The following PLCB1 variants were observed in gnomAD, a reference collection of about 807,000 sequenced individuals.
PLCB1 encodes the protein 1-phosphatidylinositol 4,5-bisphosphate phosphodiesterase beta-1.
PLCB1 carries 46 observed loss-of-function variants against 161.8 expected under a neutral mutation model. The observed-to-expected ratio is 0.28, with a 90% CI of 0.22 to 0.36. The LOEUF (loss-of-function observed/expected upper bound fraction) is 0.36. PLCB1 is among the 10% of genes least tolerant of loss of function. PLCB1 has a pLI of 1.00. For missense variants in PLCB1, 1,016 were observed against 1,472.5 expected, an observed-to-expected ratio of 0.69 and a Z score of 5.07; for synonymous variants, 517 against 503.7, an observed-to-expected ratio of 1.03 and a Z score of -0.35.
At chr20:8,609,761 G>A (rs1011109163) in intron 3 of PLCB1, among the ~76,000 whole-genome samples, 1 of 151,842 alleles carries the variant, frequency 6.6e-6, no homozygotes, top group Non-Finnish European at 1.5e-5. Flanking sequence ...CTCCTGCCTC[G>A]GCCCACTATG....
chr20:8,428,289 C>T (rs190428252), intron 3 of PLCB1, among the ~76,000 whole-genome samples: 2 of 152,082 alleles, frequency 1.3e-5, no homozygotes, highest in Admixed American at 6.5e-5. Context: ...GGTGCAATCT[C>T]GGCTCACTGC....
chr20:8,879,306 A>C (rs1987890894), intron 31 of PLCB1, among the ~76,000 whole-genome samples: 1 of 152,096 alleles, frequency 6.6e-6, no homozygotes, highest in Non-Finnish European at 1.5e-5. Context: ...GAAAAAAAAA[A>C]AAAAACAAGT....
intron 3 of PLCB1, among the ~76,000 whole-genome samples, chr20:8,624,891 G>C (rs1366584678): frequency 3.3e-5 from 5 of 152,124 alleles, no homozygotes; most frequent in African/African-American, 1.2e-4. Context: ...GAGTTGGTCT[G>C]GTTAATTTCA....
rs1985899330 is a variant in PLCB1 at position 8,829,880 on chromosome 20, A to G, written c.3423+39619A>G. ...GCAGAGGCAGCTTTGGATGTGATGG[A>G]TATTTTTGCTGCATAGAGTATCCAG... On this transcript the variant is annotated intron_variant, in intron 31 of 31. Coordinates refer to ENST00000338037, the MANE Select transcript of PLCB1 (RefSeq NM_015192.4). Among the ~76,000 whole-genome samples the G allele has an allele frequency of 2.6e-5, 4 of 152,202 alleles. 1 individual carries two copies. The highest frequency in any genetic ancestry group is 4.1e-4 in the South Asian group (2 of 4,834).
At chr20:8,301,407 T>C (rs1209110406) in intron 2 of PLCB1, among the ~76,000 whole-genome samples, 1 of 152,198 alleles carries the variant, frequency 6.6e-6, no homozygotes, top group East Asian at 1.9e-4. Flanking sequence ...CATAATACTT[T>C]CTTTTTCTAG....
chr20:8,271,318 T>G (rs1411981247), intron 2 of PLCB1, among the ~76,000 whole-genome samples: 1 of 152,102 alleles, frequency 6.6e-6, no homozygotes, highest in Non-Finnish European at 1.5e-5. Flanking sequence ...AATAGTAGGT[T>G]ATATGATTGA....
At chr20:8,376,006 G>T (rs1987066374) in intron 3 of PLCB1, among the ~76,000 whole-genome samples, 1 of 146,726 alleles carries the variant, frequency 6.8e-6, no homozygotes, top group South Asian at 2.2e-4. Flanking sequence ...CCAACAAAAA[G>T]GATTAAAGAC....
chr20:8,422,962 C>T (rs921588606), intron 3 of PLCB1, among the ~76,000 whole-genome samples: 2 of 152,150 alleles, frequency 1.3e-5, no homozygotes, highest in Non-Finnish European at 2.9e-5. Flanking sequence ...GTTTGGAAGA[C>T]CAAATGATTT....
chr20:8,301,980 A>G (rs760335171), intron 2 of PLCB1, among the ~76,000 whole-genome samples: 36 of 152,344 alleles, frequency 2.4e-4, no homozygotes, highest in South Asian at 6.2e-4. Context: ...CAACTGCTTC[A>G]TACCTAAGAT....
At chr20:8,849,403 C>T (rs1164663610) in intron 31 of PLCB1, among the ~76,000 whole-genome samples, 2 of 152,090 alleles carry the variant, frequency 1.3e-5, no homozygotes, top group Non-Finnish European at 2.9e-5. Flanking sequence ...GGGCCGGGTG[C>T]GGTGGCTCAC....
intron 3 of PLCB1, among the ~76,000 whole-genome samples, chr20:8,490,903 T>TAG (rs987669869): frequency 8.0e-5 from 12 of 150,826 alleles, no homozygotes; most frequent in Middle Eastern, 3.4e-3. Context: ...TGTACACATA[T>TAG]ATATGTGTAC....
chr20:8,391,816 TATATATA>T (rs1987610077), intron 3 of PLCB1, among the ~76,000 whole-genome samples: 1 of 134,112 alleles, frequency 7.5e-6, no homozygotes, highest in Non-Finnish European at 1.6e-5. Flanking sequence ...TATATATATA[TATATATA>T]TACACACACA....
intron 3 of PLCB1, among the ~76,000 whole-genome samples, chr20:8,397,320 A>G (rs1351887395): frequency 1.3e-5 from 2 of 152,226 alleles, no homozygotes; most frequent in South Asian, 2.1e-4. Context: ...ATTATTTTCT[A>G]TAGAGTTATA....
Position 8,788,515 on chromosome 20 carries a change from A to G in PLCB1, c.3178A>G (p.Ile1060Val), listed in dbSNP as rs917537716. 13 of 1,613,478 alleles carry G rather than the reference A, an allele frequency of 8.1e-6. No individual in the cohort carries two copies. The highest frequency in any genetic ancestry group is 1.7e-5 in the Admixed American group (1 of 59,974). Residue 1060 changes from isoleucine to valine, a missense_variant, in exon 28 of 32, where the codon ATC becomes GTC. By Grantham distance (29) the Ile-to-Val change is conservative. Transcript: ENST00000338037. The stretch of plus-strand genomic sequence containing the variant: ...CAATCAGTTAAAGAAGCTCAAAGAA[A>G]TCTGTGAGAAGTAAGCCCTCATTCC... Reference protein sequence around the residue: ...QNNQLKKLKEICEKEKKELKK... With the variant: ...QNNQLKKLKEVCEKEKKELKK...
chr20:8,468,828 T>G (rs1361512150), intron 3 of PLCB1, among the ~76,000 whole-genome samples: 2 of 152,208 alleles, frequency 1.3e-5, no homozygotes, highest in African/African-American at 4.8e-5. Flanking sequence ...AATTTTATCC[T>G]CATCTTGCCA....
chr20:8,355,627 T>A (rs1986339915), intron 2 of PLCB1, among the ~76,000 whole-genome samples: 1 of 152,154 alleles, frequency 6.6e-6, no homozygotes, highest in African/African-American at 2.4e-5. Context: ...CTGTAATTCT[T>A]TGAACTGTGT....
chr20:8,466,162 A>G (rs1002669700), intron 3 of PLCB1, among the ~76,000 whole-genome samples: 47 of 151,976 alleles, frequency 3.1e-4, no homozygotes, highest in African/African-American at 1.1e-3. Context: ...TGATGAGTTC[A>G]TGTCCTTTGT....
chr20:8,518,161 A>G (rs1339028689), intron 3 of PLCB1, among the ~76,000 whole-genome samples: 1 of 151,568 alleles, frequency 6.6e-6, no homozygotes, highest in African/African-American at 2.4e-5. Flanking sequence ...CAGCCTGGTG[A>G]CAGAGGGAGA....
intron 3 of PLCB1, among the ~76,000 whole-genome samples, chr20:8,418,523 C>T (rs1046703206): frequency 4.6e-5 from 7 of 152,094 alleles, no homozygotes; most frequent in Non-Finnish European, 1.0e-4. Context: ...AGTCCCTTAT[C>T]TACTGATGGA....
Sources: allele counts gnomAD v4.1 joint callset (sites outside exome capture counted in the v4.1 genomes callset), GRCh38; gene constraint gnomAD v4.1.1; transcripts MANE v1.5; gene names NCBI Gene and HGNC (gene_info 2026-07-23, HGNC 2026-07-21).